The following POC1A variants were observed in gnomAD, a reference collection of about 807,000 sequenced individuals.
POC1A encodes the protein POC1 centriolar protein homolog A.
A neutral mutation model predicts 47.8 loss-of-function variants in POC1A; 34 were observed. That is an observed-to-expected ratio of 0.71 (90% CI 0.54 to 0.95). The LOEUF (loss-of-function observed/expected upper bound fraction) is 0.95, where lower values mean the gene tolerates loss of function less well. Among genes scored for constraint, POC1A ranks in the 40% least tolerant of loss-of-function variants. POC1A has a pLI of 0.00. For missense variants in POC1A, 466 were observed against 528.3 expected (o/e 0.88, Z 1.16); for synonymous variants, 177 against 207.6 (o/e 0.85, Z 1.27).
At chr3:52,132,309 G>C (rs928721662) in intron 7 of POC1A, among the ~76,000 whole-genome samples, 1 of 152,178 alleles carries the variant, frequency 6.6e-6, no homozygotes, top group African/African-American at 2.4e-5. Context: ...CAAGATGGGA[G>C]AGGACCCATG....
intron 10 of POC1A, among the ~76,000 whole-genome samples, chr3:52,089,184 C>G (rs1702562723): frequency 6.6e-6 from 1 of 152,034 alleles, no homozygotes; most frequent in Admixed American, 6.6e-5. Context: ...AGGCAGGGCA[C>G]TGGCCCTGAC....
intron 6 of POC1A, 42 bp from the exon 7 acceptor site, chr3:52,138,344 G>C (rs1698057145): frequency 1.9e-6 from 3 of 1,584,462 alleles, no homozygotes; most frequent in Non-Finnish European, 2.6e-6. Flanking sequence ...AGGAGGCACA[G>C]GGAGCACAGC....
rs532939448 is a variant in POC1A, at chr3:52,130,023, C to T, written c.814-4842G>A. ...CTGCTCCGGCAGCTCACACTGACCT[C>T]GCTGCTCTCCTCATCCTCCTCACCT... On this transcript the variant is annotated intron_variant, in intron 7 of 10. Coordinates refer to ENST00000296484, the MANE Select transcript of POC1A (RefSeq NM_015426.5). Among the ~76,000 whole-genome samples, 42 of 152,328 alleles carry T rather than the reference C, an allele frequency of 2.8e-4. No individual in the cohort carries two copies. In the East Asian group the frequency reaches 7.9e-3, roughly 29 times the overall value.
chr3:52,096,720 C>T lies in POC1A; in HGVS notation c.982-8G>A. 1 of 1,566,858 alleles carries T rather than the reference C, an allele frequency of 6.4e-7. No individual in the cohort carries two copies. Among genetic ancestry groups the T allele is most frequent in the Non-Finnish European group, 8.6e-7 (1 of 1,162,764 alleles). On this transcript the variant is annotated splice_region_variant and splice_polypyrimidine_tract_variant and intron_variant, in intron 9 of 10. Transcript: ENST00000296484. ...AGGGAAGTCCACTTCTGGCTAAAGA[C>T]AGAAAGAAAAAAGTTCCTCAGTCTA...
chr3:52,085,478 C>T (rs1212523992), intron 10 of POC1A, among the ~76,000 whole-genome samples: 1 of 152,230 alleles, frequency 6.6e-6, no homozygotes, highest in Non-Finnish European at 1.5e-5. Context: ...TTCCCGTGGC[C>T]CTCCAGGCCC....
At chr3:52,093,269 C>G (rs1246016263) in intron 10 of POC1A, among the ~76,000 whole-genome samples, 1 of 152,170 alleles carries the variant, frequency 6.6e-6, no homozygotes, top group African/African-American at 2.4e-5. Context: ...TGAGTTCTTC[C>G]TGAAGGTGGG....
At chr3:52,149,463 T>C in intron 3 of POC1A, 74 bp from the exon 4 acceptor site, 1 of 1,401,296 alleles carries the variant, frequency 7.1e-7, no homozygotes, top group Non-Finnish European at 1.0e-6. Flanking sequence ...ATCAAAGCTC[T>C]CCTACTCCTC....
chr3:52,115,226 T>C (rs1408179884), intron 9 of POC1A, among the ~76,000 whole-genome samples: 2 of 152,092 alleles, frequency 1.3e-5, no homozygotes, highest in Non-Finnish European at 2.9e-5. Context: ...AGCCAGCCTC[T>C]TGCCTCAGCC....
intron 1 of POC1A, 105 bp from the exon 2 acceptor site, chr3:52,151,205 T>C: frequency 6.5e-7 from 1 of 1,542,742 alleles, no homozygotes; most frequent in South Asian, 1.2e-5. Context: ...TTAAAAATGC[T>C]CAAGGCATGA....
chr3:52,140,065 C>T (rs1000725494), intron 6 of POC1A, among the ~76,000 whole-genome samples: 1 of 152,208 alleles, frequency 6.6e-6, no homozygotes, highest in African/African-American at 2.4e-5. Flanking sequence ...CATCTTAGCA[C>T]TGAAAGGCTG....
At chr3:52,154,299 C>G (rs1229104649) in intron 1 of POC1A, 56 bp downstream of exon 1, 4 of 1,526,396 alleles carry the variant, frequency 2.6e-6, no homozygotes, top group Non-Finnish European at 3.5e-6. Flanking sequence ...CCATTAGGCG[C>G]CCAGTGTCCC....
At chr3:52,146,055 T>C (rs1170971248) in intron 5 of POC1A, 94 bp from the exon 6 acceptor site, 2 of 712,824 alleles carry the variant, frequency 2.8e-6, no homozygotes, top group African/African-American at 1.7e-5. Flanking sequence ...CCCTGTGTCC[T>C]GCCCACGCTG....
intron 10 of POC1A, among the ~76,000 whole-genome samples, chr3:52,085,693 C>T (rs1485900066): frequency 2.0e-5 from 3 of 152,232 alleles, no homozygotes; most frequent in African/African-American, 7.2e-5. Flanking sequence ...GAAGGCTCCT[C>T]AGCTACATGG....
intron 9 of POC1A, among the ~76,000 whole-genome samples, chr3:52,116,097 C>T (rs1703554201): frequency 6.6e-6 from 1 of 152,140 alleles, no homozygotes; most frequent in African/African-American, 2.4e-5. Flanking sequence ...CTCTCTAATT[C>T]CTCAGGCAAG....
intron 9 of POC1A, among the ~76,000 whole-genome samples, chr3:52,119,186 C>T (rs1703677332): frequency 6.6e-6 from 1 of 151,990 alleles, no homozygotes; most frequent in South Asian, 2.1e-4. Flanking sequence ...TGGAATAGTC[C>T]TCGTCCGCAT....
chr3:52,108,372 G>A (rs900631123), intron 9 of POC1A, among the ~76,000 whole-genome samples: 3 of 152,170 alleles, frequency 2.0e-5, no homozygotes, highest in Admixed American at 6.5e-5. Flanking sequence ...CGGCAGAGCC[G>A]ACATCTCTGG....
intron 8 of POC1A, 114 bp from the exon 9 acceptor site, chr3:52,122,591 TG>T: frequency 1.4e-6 from 1 of 710,212 alleles, no homozygotes; most frequent in South Asian, 1.6e-5. Context: ...GGTGGGATAG[TG>T]GTCCCCACCT....
rs1203995886 is a variant in POC1A at position 52,138,253 on chromosome 3, G to A, written c.729C>T (p.Tyr243=). ...NGLSFHPSGN[Y]LITASSDSTL... ...TTGAGTCACTGGAGGCTGTGATCAGGTAGTTTCCCGACGGGTGGAAAGAGA... is the reference window on the plus strand; with the variant it reads ...TTGAGTCACTGGAGGCTGTGATCAGATAGTTTCCCGACGGGTGGAAAGAGA... The change falls in exon 7 of 11, where the codon TAC becomes TAT. Residue 243 remains tyrosine (Y), a synonymous_variant. Transcript: ENST00000296484. 1.9e-6 allele frequency: 3 copies of A among 1,614,036 alleles called. No homozygotes were observed. Among genetic ancestry groups the A allele is most frequent in the Non-Finnish European group, 8.5e-7 (1 of 1,179,988 alleles).
chr3:52,116,217 G>C (rs1349234012), intron 9 of POC1A, among the ~76,000 whole-genome samples: 1 of 152,150 alleles, frequency 6.6e-6, no homozygotes, highest in East Asian at 1.9e-4. Context: ...AGGAATCAGG[G>C]TCCCACAAAT....
Sources: gnomAD v4.1 joint callset for allele counts (sites outside exome capture counted in the v4.1 genomes callset) on GRCh38, gnomAD v4.1.1 for gene constraint, MANE v1.5 for transcripts, NCBI Gene and HGNC (gene_info 2026-07-23, HGNC 2026-07-21) for gene names.